Variants in SLC24A2 observed in about 807,000 individuals in gnomAD.
The protein encoded by SLC24A2 is solute carrier family 24 member 2, also known as sodium/potassium/calcium exchanger 2.
Under a neutral mutation model 62.0 loss-of-function variants are expected in SLC24A2, and 36 were observed. That is an observed-to-expected ratio of 0.58 (90% CI 0.44 to 0.77). SLC24A2 has a LOEUF of 0.77. SLC24A2 is among the 30% of genes least tolerant of loss of function. The probability of loss-of-function intolerance (pLI) is 0.00; values close to 1 mark genes in which losing one functional copy is unlikely to be tolerated. For missense variants in SLC24A2, 846 were observed against 817.9 expected, an observed-to-expected ratio of 1.03 and a Z score of -0.42; for synonymous variants, 358 against 294.0, an observed-to-expected ratio of 1.22 and a Z score of -2.23.
At chr9:20,007,879 C>CT in the SLC24A2 span, among the ~76,000 whole-genome samples, 1,182 of 39,528 alleles carry the variant, frequency 0.03, 482 homozygotes, top group Non-Finnish European at 0.038. Context: ...TTACTCCTCT[C>CT]TTTTTTTTTT....
At chr9:20,298,098 G>A in the SLC24A2 span, among the ~76,000 whole-genome samples, 1 of 152,184 alleles carries the variant, frequency 6.6e-6, no homozygotes, top group Non-Finnish European at 1.5e-5. Context: ...ACAGAACTAG[G>A]TGACTGATAC....
the SLC24A2 span, among the ~76,000 whole-genome samples, chr9:20,272,107 T>C: frequency 1.6e-4 from 25 of 152,372 alleles, 1 homozygote; most frequent in East Asian, 4.2e-3. Flanking sequence ...CTGCCTGAAA[T>C]GCCAATTATA....
At chr9:20,296,674 G>A in the SLC24A2 span, among the ~76,000 whole-genome samples, 2 of 152,226 alleles carry the variant, frequency 1.3e-5, no homozygotes, top group African/African-American at 4.8e-5. Flanking sequence ...GTGACCCACT[G>A]TGGTTTTTGT....
chr9:19,631,823 T>A lies in SLC24A2; in HGVS notation c.931-9524A>T, dbSNP rs554264778. Reference sequence around the variant, plus strand: ...TTCTCTGGCTTCATCCCTGGGACCCTGTGCCCAGACACTGCTGTACGGGTC... The same window carrying A: ...TTCTCTGGCTTCATCCCTGGGACCCAGTGCCCAGACACTGCTGTACGGGTC... On this transcript the variant is annotated intron_variant, in intron 2 of 10. Transcript: ENST00000341998. 2.0e-3 allele frequency among the ~76,000 whole-genome samples: 312 copies of A among 152,344 alleles called. 6 individuals carry two copies. The highest frequency in any genetic ancestry group is 1.6e-3 in the Non-Finnish European group (106 of 68,024).
At chr9:20,185,526 G>A in the SLC24A2 span, among the ~76,000 whole-genome samples, 20 of 151,812 alleles carry the variant, frequency 1.3e-4, no homozygotes, top group Non-Finnish European at 2.5e-4. Context: ...TTAGCTGGGC[G>A]TGGTTGTGGG....
At chr9:20,091,057 C>G in the SLC24A2 span, among the ~76,000 whole-genome samples, 22 of 149,762 alleles carry the variant, frequency 1.5e-4, 1 homozygote, top group Non-Finnish European at 2.8e-4. Context: ...TTTCACAATA[C>G]AATAGCAAAT....
chr9:20,281,505 A>G, the SLC24A2 span, among the ~76,000 whole-genome samples: 1 of 152,222 alleles, frequency 6.6e-6, no homozygotes, highest in Non-Finnish European at 1.5e-5. Flanking sequence ...AAGAAAAACC[A>G]TAATGCTGAT....
At chr9:19,846,098 T>C in the SLC24A2 span, among the ~76,000 whole-genome samples, 1 of 152,214 alleles carries the variant, frequency 6.6e-6, no homozygotes, top group African/African-American at 2.4e-5. Context: ...TGTAGATGTC[T>C]ATTAGGTCCA....
chr9:20,222,243 G>A, the SLC24A2 span, among the ~76,000 whole-genome samples: 1 of 151,568 alleles, frequency 6.6e-6, no homozygotes, highest in South Asian at 2.1e-4. Flanking sequence ...AAAGAATGTA[G>A]AAACTGTATT....
the SLC24A2 span, among the ~76,000 whole-genome samples, chr9:20,159,251 T>G: frequency 0.34 from 51,054 of 151,468 alleles, 10,012 homozygotes; most frequent in East Asian, 0.83. Context: ...TTCTCAACTT[T>G]TTTCCCCCAT....
the SLC24A2 span, among the ~76,000 whole-genome samples, chr9:19,865,510 C>A: frequency 6.6e-6 from 1 of 152,002 alleles, no homozygotes; most frequent in African/African-American, 2.4e-5. Flanking sequence ...AACAGACACA[C>A]AATGGAACAG....
the SLC24A2 span, among the ~76,000 whole-genome samples, chr9:20,242,506 C>G: frequency 6.6e-6 from 1 of 152,160 alleles, no homozygotes; most frequent in Non-Finnish European, 1.5e-5. Context: ...TGTAGTGGTC[C>G]AATGGGAGAA....
chr9:19,585,211 G>A (rs1836336716), intron 5 of SLC24A2, among the ~76,000 whole-genome samples: 2 of 152,108 alleles, frequency 1.3e-5, no homozygotes, highest in South Asian at 4.1e-4. Flanking sequence ...AGTAACACCT[G>A]TCTTGTCTCT....
chr9:19,915,411 G>C, the SLC24A2 span, among the ~76,000 whole-genome samples: 1 of 151,990 alleles, frequency 6.6e-6, no homozygotes, highest in Admixed American at 6.6e-5. Context: ...ACAAGCTTTT[G>C]TGTGAACATA....
At chr9:19,974,757 C>A in the SLC24A2 span, among the ~76,000 whole-genome samples, 1 of 152,166 alleles carries the variant, frequency 6.6e-6, no homozygotes. Context: ...ACATATTAAC[C>A]AGCTCACAGA....
chr9:20,139,503 C>T, the SLC24A2 span, among the ~76,000 whole-genome samples: 2 of 152,178 alleles, frequency 1.3e-5, no homozygotes, highest in Non-Finnish European at 2.9e-5. Flanking sequence ...CCTCCTGGGC[C>T]AGCACACACT....
chr9:19,527,996 C>T, intron 9 of SLC24A2, 53 bp downstream of exon 9: 1 of 1,092,976 alleles, frequency 9.1e-7, no homozygotes, highest in East Asian at 2.5e-5. Flanking sequence ...AAACACTTGA[C>T]AATCAGGACT....
the SLC24A2 span, among the ~76,000 whole-genome samples, chr9:20,260,569 G>A: frequency 6.6e-6 from 1 of 152,100 alleles, no homozygotes; most frequent in African/African-American, 2.4e-5. Context: ...TTAAAACACT[G>A]TCTTAGTTCA....
the SLC24A2 span, among the ~76,000 whole-genome samples, chr9:20,160,350 T>G: frequency 1.3e-5 from 2 of 151,500 alleles, no homozygotes; most frequent in East Asian, 1.9e-4. Flanking sequence ...AACAGAAGAC[T>G]TTAACATACT....
Sources: gnomAD v4.1 joint callset for allele counts (sites outside exome capture counted in the v4.1 genomes callset) on GRCh38, gnomAD v4.1.1 for gene constraint, MANE v1.5 for transcripts, NCBI Gene and HGNC (gene_info 2026-07-23, HGNC 2026-07-21) for gene names.